The following SCML4 variants were observed in gnomAD, a reference collection of about 807,000 sequenced individuals.
SCML4 encodes Scm polycomb group protein like 4.
In SCML4, 34 loss-of-function variants were observed where a neutral mutation model predicts 41.1. The observed-to-expected ratio is 0.83, with a 90% CI of 0.63 to 1.10. The LOEUF is 1.10. SCML4 is among the 50% of genes least tolerant of loss of function. The pLI is 0.00. For missense variants in SCML4, 522 were observed against 534.1 expected, an observed-to-expected ratio of 0.98 and a Z score of 0.22; for synonymous variants, 214 against 220.9, an observed-to-expected ratio of 0.97 and a Z score of 0.28.
chr6:107,731,563 C>T (rs1416905103), intron 5 of SCML4, among the ~76,000 whole-genome samples: 1 of 152,150 alleles, frequency 6.6e-6, no homozygotes, highest in Admixed American at 6.5e-5. Flanking sequence ...ATCAGCACGA[C>T]CACCTTCCTC....
the SCML4 span, among the ~76,000 whole-genome samples, chr6:107,831,933 CAT>C: frequency 7.2e-5 from 11 of 152,136 alleles, no homozygotes; most frequent in Non-Finnish European, 1.0e-4. Context: ...CATGGTGGCG[CAT>C]GCCTGTAGTC....
intron 1 of SCML4, among the ~76,000 whole-genome samples, chr6:107,790,878 T>C (rs1782272909): frequency 6.6e-6 from 1 of 152,108 alleles, no homozygotes. Context: ...GAGACCAGAC[T>C]GGCCAACATG....
chr6:107,809,757 G>A (rs140764597), intron 1 of SCML4, among the ~76,000 whole-genome samples: 1 of 152,296 alleles, frequency 6.6e-6, no homozygotes, highest in African/African-American at 2.4e-5. Context: ...AGGTGGAGAT[G>A]TCCATTAAAA....
intron 6 of SCML4, 78 bp from the exon 7 acceptor site, chr6:107,708,089 C>G (rs1773856531): frequency 1.3e-6 from 2 of 1,490,668 alleles, no homozygotes; most frequent in Admixed American, 4.1e-5. Context: ...CTGCCCCCAC[C>G]TAGCCTGGAA....
chr6:107,780,841 T>A (rs1781431084), intron 1 of SCML4, among the ~76,000 whole-genome samples: 2 of 152,100 alleles, frequency 1.3e-5, no homozygotes, highest in African/African-American at 4.8e-5. Context: ...CAAAGATAAT[T>A]TTGAGAATAT....
At chr6:107,745,298 TG>T in intron 4 of SCML4, 155 bp from the exon 5 acceptor site, 1 of 609,698 alleles carries the variant, frequency 1.6e-6, no homozygotes, top group Non-Finnish European at 2.9e-6. Context: ...GTCCTGTTTC[TG>T]GTGGGGATCC....
chr6:107,715,522 T>G (rs1189819510), intron 6 of SCML4, among the ~76,000 whole-genome samples: 1 of 151,956 alleles, frequency 6.6e-6, no homozygotes, highest in Non-Finnish European at 1.5e-5. Flanking sequence ...ACAGTGTGTC[T>G]TGTTAAATGC....
chr6:107,739,869 G>T (rs1270417536), intron 5 of SCML4, among the ~76,000 whole-genome samples: 1 of 152,220 alleles, frequency 6.6e-6, no homozygotes, highest in Admixed American at 6.5e-5. Context: ...TGGTGGGAAA[G>T]ACATGTGGGG....
chr6:107,835,513 G>A, the SCML4 span, among the ~76,000 whole-genome samples: 14 of 152,098 alleles, frequency 9.2e-5, no homozygotes, highest in Non-Finnish European at 2.1e-4. Context: ...GCCAAAAGAG[G>A]AGGACTACTT....
At chr6:107,714,444 G>A (rs1774549000) in intron 6 of SCML4, among the ~76,000 whole-genome samples, 1 of 152,146 alleles carries the variant, frequency 6.6e-6, no homozygotes, top group Admixed American at 6.6e-5. Flanking sequence ...GGTAGGCTCA[G>A]CCACTCCCTC....
intron 5 of SCML4, among the ~76,000 whole-genome samples, chr6:107,737,558 C>T (rs1420234108): frequency 6.6e-6 from 1 of 152,176 alleles, no homozygotes; most frequent in African/African-American, 2.4e-5. Context: ...CACAGACAGA[C>T]TTCCTGTACT....
chr6:107,814,425 T>C (rs1784417629), intron 1 of SCML4, among the ~76,000 whole-genome samples: 1 of 152,252 alleles, frequency 6.6e-6, no homozygotes, highest in Non-Finnish European at 1.5e-5. Flanking sequence ...GCCTGTGACA[T>C]GGAATGGTGA....
At chr6:107,724,327 A>G (rs1393886147) in intron 5 of SCML4, among the ~76,000 whole-genome samples, 1 of 152,228 alleles carries the variant, frequency 6.6e-6, no homozygotes, top group Non-Finnish European at 1.5e-5. Context: ...GTTAAGGAAA[A>G]GAAAAGCCAT....
chr6:107,765,380 C>A (rs1050455334), intron 2 of SCML4, among the ~76,000 whole-genome samples: 5 of 152,140 alleles, frequency 3.3e-5, no homozygotes, highest in African/African-American at 1.2e-4. Context: ...ATTGTTACAT[C>A]TTCAGGAGTA....
intron 7 of SCML4, among the ~76,000 whole-genome samples, chr6:107,705,745 G>A (rs1002018306): frequency 5.3e-5 from 8 of 152,042 alleles, no homozygotes; most frequent in Admixed American, 3.9e-4. Context: ...TCATTTCTTA[G>A]TAGGCCCACC....
chr6:107,745,114 G>A lies in SCML4; in HGVS notation c.517C>T (p.Leu173=), dbSNP rs754971320. Residue 173 remains leucine, a synonymous_variant, in exon 5 of 8, where the codon CTG becomes TTG. Transcript: ENST00000369020. ...CTGTTCACCACAGGCAGGCTCCGCAGGTGCTGTTTGCCATCAAAGGAAGCC... is the reference window on the plus strand; with the variant it reads ...CTGTTCACCACAGGCAGGCTCCGCAAGTGCTGTTTGCCATCAAAGGAAGCC... ...VSASFDGKQH[L]RSLPVVNSIG... The A allele has an allele frequency of 6.3e-7, 1 of 1,597,144 alleles. No homozygotes were observed. The highest frequency in any genetic ancestry group is 8.5e-7 in the Non-Finnish European group (1 of 1,171,574).
At chr6:107,739,995 T>G in intron 5 of SCML4, 1 of 383,888 alleles carries the variant, frequency 2.6e-6, no homozygotes, top group East Asian at 7.3e-5. Flanking sequence ...TGCCACAAGG[T>G]TGGATAATTT....
chr6:107,751,572 A>AGCTT (rs1778625403), intron 2 of SCML4, among the ~76,000 whole-genome samples: 1 of 87,670 alleles, frequency 1.1e-5, no homozygotes, highest in Non-Finnish European at 2.3e-5. Flanking sequence ...CATTTTAACA[A>AGCTT]TCTTTCTTTC....
At position 107,755,579 on chromosome 6, in the gene SCML4, A is replaced by AGTGGAATGG. The variant is rs768738497; in HGVS notation, c.157-5775_157-5767dup. The AGTGGAATGG allele has an allele frequency of 3.0e-6, 4 of 1,336,570 alleles. No individual in the cohort carries two copies. In the Admixed American group the frequency reaches 8.6e-5, roughly 29 times the overall value. 82.8% of individuals were successfully genotyped at this position (1,336,570 alleles called of 1,614,324 possible). A position where few individuals can be genotyped will look rare whatever the true frequency, so the allele number is the denominator to read the frequency against. On this transcript the variant is annotated intron_variant, in intron 2 of 7. Transcript: ENST00000369020. ...AGTCCATCAGCACAAACCTCTCTCC[A>AGTGGAATGG]GTGGAATGGGGGGGTTCTCTGCCTG... is the stretch of plus-strand genomic sequence containing the variant.
Sources: gnomAD v4.1 joint callset for allele counts (sites outside exome capture counted in the v4.1 genomes callset) on GRCh38, gnomAD v4.1.1 for gene constraint, MANE v1.5 for transcripts, NCBI Gene and HGNC (gene_info 2026-07-23, HGNC 2026-07-21) for gene names.